The following AGO1 variants were observed in gnomAD, a reference collection of about 807,000 sequenced individuals.
AGO1 encodes protein argonaute-1.
Under a neutral mutation model 109.2 loss-of-function variants are expected in AGO1, and 11 were observed. That is an observed-to-expected ratio of 0.10 (90% CI 0.06 to 0.17). The LOEUF is 0.17. Ranked by LOEUF, AGO1 falls within the 10% of genes least tolerant of loss-of-function variation. The pLI is 1.00. For missense variants in AGO1, 574 were observed against 1,140.3 expected, an observed-to-expected ratio of 0.50 and a Z score of 7.15; for synonymous variants, 422 against 418.6, an observed-to-expected ratio of 1.01 and a Z score of -0.10.
chr1:35,914,535 T>G (rs1298267098), intron 14 of AGO1, among the ~76,000 whole-genome samples: 1 of 152,222 alleles, frequency 6.6e-6, no homozygotes, highest in Non-Finnish European at 1.5e-5. Flanking sequence ...AATGTCTTTC[T>G]TTCCCCATGC....
In AGO1 at chr1:35,901,343, T is replaced by A; in HGVS notation, c.1021-131T>A. On this transcript the variant is annotated intron_variant, in intron 8 of 18. Transcript: ENST00000373204. This position sits in a 1 kb window ranked among gnomAD's most constrained non-coding sequence, Gnocchi z 4.8. ...AAATGATACTCAGGAGGAGAATACATGTATGCACAACGGATTTTGCAGTTC... is the reference window on the plus strand; with the variant it reads ...AAATGATACTCAGGAGGAGAATACAAGTATGCACAACGGATTTTGCAGTTC... 2 of 1,097,594 alleles carry A rather than the reference T, an allele frequency of 1.8e-6. No individual in the cohort carries two copies. Among genetic ancestry groups the A allele is most frequent in the Admixed American group, 2.2e-5 (1 of 46,366 alleles). 68.0% of individuals were successfully genotyped at this position (1,097,594 alleles called of 1,614,324 possible).
rs1012769642 is a variant in AGO1 at position 35,926,121 on chromosome 1, C to T, written c.*6514C>T. The T allele has an allele frequency of 6.6e-6, 1 of 152,134 alleles. No homozygotes were observed. Among genetic ancestry groups the T allele is most frequent in the African/African-American group, 2.4e-5 (1 of 41,412 alleles). 9.4% of individuals were successfully genotyped at this position (152,134 alleles called of 1,614,324 possible). ...GTTGAAATAAGACATAAATTTATGA[C>T]TCCGAGTGAGGCAGAAATAAAGAAC... On this transcript the variant is annotated 3_prime_UTR_variant, in exon 19 of 19. Coordinates refer to ENST00000373204, the MANE Select transcript of AGO1 (RefSeq NM_012199.5).
At position 35,883,314 on chromosome 1, in the gene AGO1, A is replaced by G. The variant is rs1645059864; in HGVS notation, c.-108A>G. 10 of 1,495,412 alleles carry G rather than the reference A, an allele frequency of 6.7e-6. No homozygotes were observed. Among genetic ancestry groups the G allele is most frequent in the Non-Finnish European group, 8.9e-6 (10 of 1,128,206 alleles). 92.6% of individuals were successfully genotyped at this position (1,495,412 alleles called of 1,614,324 possible). ...CGCGAGCGGCCGGGCTTGGTAGGGG[A>G]GCCGAGCCCGGCCCGGGATCCCGAG... On this transcript the variant is annotated 5_prime_UTR_variant, in exon 1 of 19. Coordinates refer to ENST00000373204, the MANE Select transcript of AGO1 (RefSeq NM_012199.5). This position sits in a 1 kb window ranked among gnomAD's most constrained non-coding sequence, Gnocchi z 5.4.
At chr1:35,907,474 AAGCAGAAT>A (rs1408661035) in intron 12 of AGO1, among the ~76,000 whole-genome samples, 4 of 152,046 alleles carry the variant, frequency 2.6e-5, no homozygotes, top group Non-Finnish European at 5.9e-5. Flanking sequence ...CAGCACAACC[AAGCAGAAT>A]AGGTGGTCCT....
chr1:35,926,712 A>G lies in AGO1; in HGVS notation c.*7105A>G, dbSNP rs1281928751. 6.6e-6 allele frequency: 1 copy of G among 152,204 alleles called. No individual in the cohort carries two copies. 9.4% of individuals were successfully genotyped at this position (152,204 alleles called of 1,614,324 possible). A position where few individuals can be genotyped will look rare whatever the true frequency, so the allele number is the denominator to read the frequency against. ...GCCGGCTTAGAAGGCACACAGCATG[A>G]CAGAAGTACTCCTTCAAAGCAGCTG... On this transcript the variant is annotated 3_prime_UTR_variant, in exon 19 of 19. Transcript: ENST00000373204.
Position 35,883,325 on chromosome 1 carries a change from G to T in AGO1, c.-97G>T. ...GGGCTTGGTAGGGGAGCCGAGCCCG[G>T]CCCGGGATCCCGAGCAGCGAGAGTG... On this transcript the variant is annotated 5_prime_UTR_variant, in exon 1 of 19. Transcript: ENST00000373204. This position sits in a 1 kb window ranked among gnomAD's most constrained non-coding sequence, Gnocchi z 5.4. The T allele has an allele frequency of 3.9e-6, 6 of 1,519,328 alleles. No individual in the cohort carries two copies. In the South Asian group the frequency reaches 6.3e-5, roughly 16 times the overall value. The allele number at this position is 1,519,328 out of a possible 1,614,324, so 94.1% of individuals were successfully genotyped here.
chr1:35,872,023 T>C (rs1328926407), intron 1 of AGO1, among the ~76,000 whole-genome samples: 1 of 147,172 alleles, frequency 6.8e-6, no homozygotes, highest in East Asian at 2.0e-4. Flanking sequence ...TGAGCCAAGA[T>C]TGCACCACTG....
At position 35,893,203 on chromosome 1, in the gene AGO1, T is replaced by G; in HGVS notation, c.437T>G (p.Val146Gly). The stretch of plus-strand genomic sequence containing the variant: ...TGGCGAATGCTGCATGAGGCCCTGG[T>G]CAGCGGCCAGATCCCTGTTCCCTTG... ...VSWRMLHEAL[V>G]SGQIPVPLES... is the part of the protein sequence containing the mutation. The change falls in exon 4 of 19, where the codon GTC (valine) becomes GGC (glycine). Residue 146 changes from valine (V) to glycine (G), a missense_variant. By Grantham distance (109) the Val-to-Gly change is moderately radical. Around this residue, in one of 8 missense-constraint regions of AGO1, gnomAD observed 129 missense variants for 243.0 expected, o/e 0.53. Transcript: ENST00000373204. This position sits in a 1 kb window ranked among gnomAD's most constrained non-coding sequence, Gnocchi z 5.6. 6.2e-7 allele frequency: 1 copy of G among 1,614,102 alleles called. No individual in the cohort carries two copies. The highest frequency in any genetic ancestry group is 1.3e-5 in the African/African-American group (1 of 75,000).
rs757835113 is a variant in AGO1, at chr1:35,895,282, A to G, written c.1020+13A>G. The G allele has an allele frequency of 8.1e-6, 13 of 1,610,428 alleles. No individual in the cohort carries two copies. The highest frequency in any genetic ancestry group is 1.1e-5 in the Non-Finnish European group (13 of 1,177,862). ...CCTTCCCCTAGAGGTGAGATTGCCA[A>G]GTAATGGCTGGGGAATAGGCATTGT... On this transcript the variant is annotated intron_variant, in intron 8 of 18. Coordinates refer to ENST00000373204, the MANE Select transcript of AGO1 (RefSeq NM_012199.5).
chr1:35,869,970 G>T (rs552363804), intron 1 of AGO1: 29 of 152,338 alleles, frequency 1.9e-4, no homozygotes, highest in African/African-American at 6.7e-4. Context: ...ATGGGCTCAA[G>T]AGCGTGGGGA....
intron 2 of AGO1, among the ~76,000 whole-genome samples, chr1:35,892,110 T>C (rs1328632370): frequency 3.9e-5 from 6 of 152,208 alleles, no homozygotes; most frequent in Non-Finnish European, 8.8e-5. Flanking sequence ...AGCCTTGAGC[T>C]CCTAGGCCCA....
In AGO1 at chr1:35,875,383, A is replaced by AT. The variant is rs373974829; in HGVS notation, c.-201+5493dup. ...AACAACAAAGCCTGGATGATAGCACATTTTTTTTTTTTTACAGCATGGTTT... is the reference window on the plus strand; with the variant it reads ...AACAACAAAGCCTGGATGATAGCACATTTTTTTTTTTTTTACAGCATGGTTT... On this transcript the variant is annotated intron_variant, in intron 1 of 18. Transcript: ENST00000373206. Among the ~76,000 whole-genome samples the AT allele has an allele frequency of 6.8e-3, 990 of 145,586 alleles. 9 individuals are homozygous for AT. The highest frequency in any genetic ancestry group is 0.015 in the African/African-American group (585 of 39,844).
intron 1 of AGO1, chr1:35,870,035 A>G (rs973228224): frequency 1.3e-5 from 2 of 151,854 alleles, no homozygotes; most frequent in Non-Finnish European, 2.9e-5. Flanking sequence ...TTTAATTTTT[A>G]ATTTTTATTT....
Position 35,915,416 on chromosome 1 carries a change from A to G in AGO1, c.1902A>G (p.Gln634=). 2 of 1,613,752 alleles carry G rather than the reference A, an allele frequency of 1.2e-6. No individual in the cohort carries two copies. The highest frequency in any genetic ancestry group is 2.2e-5 in the East Asian group (1 of 44,840). Residue 634 remains glutamine, a synonymous_variant, in exon 15 of 19, where the codon CAA becomes CAG. Coordinates refer to ENST00000373204, the MANE Select transcript of AGO1 (RefSeq NM_012199.5). ...CTGTGCGGGTACAGCGACCACGGCA[A>G]GAGATCATTGAAGACTTGTCCTACA... ...CATVRVQRPR[Q]EIIEDLSYMV...
intron 15 of AGO1, 90 bp from the exon 16 acceptor site, chr1:35,917,503 A>T: frequency 1.4e-6 from 2 of 1,414,576 alleles, no homozygotes; most frequent in Non-Finnish European, 1.9e-6. Context: ...AAGTTATATT[A>T]CAAGTGGCAA....
intron 14 of AGO1, 143 bp from the exon 15 acceptor site, chr1:35,915,205 T>C (rs1645712735): frequency 3.2e-6 from 2 of 629,750 alleles, no homozygotes; most frequent in Non-Finnish European, 5.5e-6. Context: ...TGTGATAGAA[T>C]AGAGATTGAA....
At chr1:35,883,153 G>A (rs1341436996), upstream of AGO1, 9 of 1,128,918 alleles carry the variant, frequency 8.0e-6, 1 homozygote, top group South Asian at 1.3e-4. This position sits in a 1 kb window ranked among gnomAD's most constrained non-coding sequence, Gnocchi z 5.4. Flanking sequence ...TGCCGTCGGA[G>A]CGCCCCGCTT....
rs1215887950 is a variant in AGO1, at chr1:35,928,445, T to C, written c.*8838T>C. 1.3e-5 allele frequency: 2 copies of C among 149,894 alleles called. No homozygotes were observed. The highest frequency in any genetic ancestry group is 2.9e-5 in the Non-Finnish European group (2 of 68,030). 9.3% of individuals were successfully genotyped at this position (149,894 alleles called of 1,614,324 possible). ...ACAGGCGCACACCACCATGCCCAGCTAATTAAAAAAAAAATTTTTTTTGTA... is the reference window on the plus strand; with the variant it reads ...ACAGGCGCACACCACCATGCCCAGCCAATTAAAAAAAAAATTTTTTTTGTA... On this transcript the variant is annotated 3_prime_UTR_variant, in exon 19 of 19. Transcript: ENST00000373204.
intron 14 of AGO1, among the ~76,000 whole-genome samples, chr1:35,914,680 T>C (rs1645703560): frequency 2.0e-5 from 3 of 152,214 alleles, no homozygotes; most frequent in East Asian, 1.9e-4. Context: ...GTTTCTCTTA[T>C]CTCTCTCCTG....
Sources: allele counts gnomAD v4.1 joint callset (sites outside exome capture counted in the v4.1 genomes callset), GRCh38; gene constraint gnomAD v4.1.1; regional missense constraint gnomAD v4.1.1; non-coding constraint Gnocchi (gnomAD v3.1); transcripts MANE v1.5; gene names NCBI Gene and HGNC (gene_info 2026-07-23, HGNC 2026-07-21).